SERAC1: variants seen among roughly 807,000 people sequenced by gnomAD.
SERAC1 encodes the protein serine active site containing 1.
A neutral mutation model predicts 85.7 loss-of-function variants in SERAC1; 36 were observed. That is an observed-to-expected ratio of 0.42 (90% CI 0.32 to 0.55). The LOEUF is 0.55. Ranked by LOEUF, SERAC1 falls within the 20% of genes least tolerant of loss-of-function variation. The pLI, the probability that SERAC1 is intolerant of heterozygous loss-of-function variation, is 0.11. For synonymous variants in SERAC1, 242 were observed against 265.3 expected (o/e 0.91, Z 0.85); for missense variants, 629 against 796.2 (o/e 0.79, Z 2.53).
rs12524871 is a variant in SERAC1, at chr6:158,130,403, G to A, written c.822C>T (p.Phe274=). The change falls in exon 9 of 17, where the codon TTC becomes TTT. Residue 274 remains phenylalanine (F), a synonymous_variant. Transcript: ENST00000647468. ...AATGTTTTACTATAGCTTCTAAACA[G>A]AACATTTCCACTGTTGCTGAAGGAA... ...GEVPSATVEM[F]CLEAIVKHSE... is the part of the protein sequence containing the mutation. The A allele has an allele frequency of 3.8e-6, 6 of 1,594,182 alleles. No individual in the cohort carries two copies. The African/African-American group carries it at 8.1e-5, about 22-fold the overall frequency.
Position 158,128,180 on chromosome 6 carries a change from GT to G in SERAC1, c.942del (p.Gln315ArgfsTer4). ...LYRLHKDCPK[V>X]QRNIMRVIGN... ...CCAATGACACGCATTATATTTCTCTGTACTTTAGGGCAGTCCTTGTGAAGTC... is the reference window on the plus strand; with the variant it reads ...CCAATGACACGCATTATATTTCTCTGACTTTAGGGCAGTCCTTGTGAAGTC... On this transcript the variant is annotated frameshift_variant, in exon 10 of 17. Transcript: ENST00000647468. LOFTEE classifies it high-confidence loss of function. 1 of 1,614,146 alleles carries G rather than the reference GT, an allele frequency of 6.2e-7. No individual in the cohort carries two copies. The highest frequency in any genetic ancestry group is 8.5e-7 in the Non-Finnish European group (1 of 1,179,992).
At chr6:158,147,604 CAA>C (rs11287217) in intron 5 of SERAC1, among the ~76,000 whole-genome samples, 73 of 124,126 alleles carry the variant, frequency 5.9e-4, no homozygotes, top group Admixed American at 8.6e-4. Flanking sequence ...ACTAAAAATA[CAA>C]AAAAAAAAAA....
At chr6:158,114,656 C>G in intron 15 of SERAC1, 133 bp downstream of exon 15, 2 of 1,447,498 alleles carry the variant, frequency 1.4e-6, no homozygotes, top group South Asian at 1.5e-5. Flanking sequence ...CCCAAAATTT[C>G]CATGAATAGT....
intron 16 of SERAC1, chr6:158,113,011 C>G (rs1784184053): frequency 5.8e-6 from 1 of 173,674 alleles, no homozygotes; most frequent in Non-Finnish European, 1.2e-5. Context: ...TAGTTTTTCC[C>G]ACTGGAATAT....
At chr6:158,156,071 C>T (rs1785325738) in intron 2 of SERAC1, among the ~76,000 whole-genome samples, 1 of 152,180 alleles carries the variant, frequency 6.6e-6, no homozygotes. Context: ...ATCGCTTGAA[C>T]CACGGAGGCA....
Position 158,114,982 on chromosome 6 carries a change from A to G in SERAC1, c.1502-11T>C, listed in dbSNP as rs755528631. On this transcript the variant is annotated splice_polypyrimidine_tract_variant and intron_variant, in intron 14 of 16. Transcript: ENST00000647468. The stretch of plus-strand genomic sequence containing the variant: ...TTTTGACAAGAAGACCTAGCCACAG[A>G]CAAGGGAAAAAAACAATGCATAAGC... 6.2e-7 allele frequency: 1 copy of G among 1,602,252 alleles called. No homozygotes were observed. The highest frequency in any genetic ancestry group is 1.7e-4 in the Middle Eastern group (1 of 5,986).
In SERAC1 at chr6:158,117,716, G is replaced by A. The variant is rs369586400; in HGVS notation, c.1403+11C>T. 211 of 1,613,316 alleles carry A rather than the reference G, an allele frequency of 1.3e-4. No homozygotes were observed. The highest frequency in any genetic ancestry group is 1.6e-4 in the Middle Eastern group (1 of 6,082). On this transcript the variant is annotated intron_variant, in intron 13 of 16. Transcript: ENST00000647468. The surrounding 1 kb of genome is among the most constrained non-coding windows in gnomAD (Gnocchi z 4.3). ...TTCCCTGTCCTCCTGGTCTAAAGTC[G>A]CCTCTGTTACCTTTCCATAGGGCAC...
Position 158,119,047 on chromosome 6 carries a change from A to C in SERAC1, c.1290T>G (p.Tyr430Ter). The part of the protein sequence containing the change: ...IEKPMEDEDR[Y>*]TTCWPKTWLA... ...CCCTTACCTTGGGCCAGCACGTCGT[A>C]TATCTGTCTTCATCCTCCATAGGTT... is the stretch of plus-strand genomic sequence containing the variant. The change falls in exon 12 of 17, where the codon TAT becomes TAG. Residue 430 changes from tyrosine (Y) to a stop codon, truncating the protein, a stop_gained. Coordinates refer to ENST00000647468, the MANE Select transcript of SERAC1 (RefSeq NM_032861.4). LOFTEE classifies it high-confidence loss of function. The surrounding 1 kb of genome is among the most constrained non-coding windows in gnomAD (Gnocchi z 4.5). The C allele has an allele frequency of 1.9e-6, 3 of 1,613,512 alleles. No homozygotes were observed. Among genetic ancestry groups the C allele is most frequent in the Non-Finnish European group, 2.5e-6 (3 of 1,179,684 alleles).
chr6:158,114,441 T>A, intron 15 of SERAC1: 1 of 1,033,268 alleles, frequency 9.7e-7, no homozygotes, highest in Non-Finnish European at 1.2e-6. Context: ...CAAAGTTTCA[T>A]TTACATTTTA....
chr6:158,124,813 T>C (rs1784504591), intron 10 of SERAC1, among the ~76,000 whole-genome samples: 1 of 151,398 alleles, frequency 6.6e-6, no homozygotes, highest in Non-Finnish European at 1.5e-5. Context: ...AAGAATACTT[T>C]ATCCAGGGAA....
chr6:158,127,361 G>A (rs1213549801), intron 10 of SERAC1, among the ~76,000 whole-genome samples: 124 of 34,770 alleles, frequency 3.6e-3, no homozygotes, highest in Middle Eastern at 0.012. Flanking sequence ...CGCCCCGTCC[G>A]GGAGGGAGGT....
chr6:158,148,986 G>A (rs747773490), intron 4 of SERAC1, 32 bp from the exon 5 acceptor site: 2 of 1,488,542 alleles, frequency 1.3e-6, no homozygotes, highest in East Asian at 2.4e-5. Context: ...GTAAAACCAA[G>A]AATGTATTTT....
At chr6:158,130,833 T>C (rs1168912288) in intron 8 of SERAC1, among the ~76,000 whole-genome samples, 2 of 152,228 alleles carry the variant, frequency 1.3e-5, no homozygotes, top group Non-Finnish European at 2.9e-5. Context: ...CACTACAGTA[T>C]ATTATTTTCC....
At chr6:158,147,009 A>G in intron 5 of SERAC1, 96 bp from the exon 6 acceptor site, 12 of 1,277,016 alleles carry the variant, frequency 9.4e-6, no homozygotes, top group Non-Finnish European at 1.3e-5. Flanking sequence ...GAAATCTACA[A>G]TTGGAGAGTT....
intron 13 of SERAC1, 135 bp from the exon 14 acceptor site, chr6:158,116,417 TTC>T: frequency 1.5e-6 from 1 of 648,302 alleles, no homozygotes; most frequent in Admixed American, 2.4e-5. Flanking sequence ...AATACCCCCA[TTC>T]TCTCTGCTTA....
intron 8 of SERAC1, among the ~76,000 whole-genome samples, chr6:158,135,571 C>G (rs1160728339): frequency 5.3e-5 from 8 of 151,962 alleles, no homozygotes; most frequent in Admixed American, 5.2e-4. Flanking sequence ...CGGGAAAATT[C>G]AAATATGGAG....
intron 13 of SERAC1, 49 bp from the exon 14 acceptor site, chr6:158,116,331 C>A: frequency 6.9e-7 from 1 of 1,445,372 alleles, no homozygotes; most frequent in South Asian, 1.1e-5. Flanking sequence ...TCGATCCCCT[C>A]AATTTGCTGT....
intron 8 of SERAC1, among the ~76,000 whole-genome samples, chr6:158,136,706 T>C (rs536831484): frequency 6.6e-6 from 1 of 152,254 alleles, no homozygotes; most frequent in East Asian, 1.9e-4. Flanking sequence ...TGAAGGGCCC[T>C]TGGGGACCAC....
intron 15 of SERAC1, 95 bp downstream of exon 15, chr6:158,114,694 A>AATGAGATAATACATTCAAGGAATATAAC: frequency 6.3e-7 from 1 of 1,580,292 alleles, no homozygotes; most frequent in Non-Finnish European, 8.6e-7. Context: ...CAAATTATAA[A>AATGAGATAATACATTCAAGGAATATAAC]ATGAGATAAT....
Sources: gnomAD v4.1 joint callset for allele counts (sites outside exome capture counted in the v4.1 genomes callset) on GRCh38, gnomAD v4.1.1 for gene constraint, Gnocchi (gnomAD v3.1) non-coding constraint, MANE v1.5 for transcripts, NCBI Gene and HGNC (gene_info 2026-07-23, HGNC 2026-07-21) for gene names.